The following CTBP2 variants were observed in gnomAD, a reference collection of about 807,000 sequenced individuals.
CTBP2 encodes C-terminal-binding protein 2.
Under a neutral mutation model 80.3 loss-of-function variants are expected in CTBP2, and 30 were observed. The ratio of observed to expected loss-of-function variants is 0.37; its 90% CI spans 0.28 to 0.51. The LOEUF is 0.51. Among genes scored for constraint, CTBP2 ranks in the 20% least tolerant of loss-of-function variants. The pLI is 0.93. For synonymous variants in CTBP2, 594 were observed against 587.4 expected (o/e 1.01, Z -0.16); for missense variants, 1,212 against 1,375.3 (o/e 0.88, Z 1.88).
At chr10:125,098,692 G>GAA (rs1564913926) in intron 2 of CTBP2, among the ~76,000 whole-genome samples, 3 of 118,786 alleles carry the variant, frequency 2.5e-5, no homozygotes, top group Admixed American at 1.7e-4. Context: ...GAGAGAGAGA[G>GAA]AGAGAGAGAG....
At chr10:125,060,128 A>G (rs931644039) in intron 2 of CTBP2, among the ~76,000 whole-genome samples, 1 of 152,166 alleles carries the variant, frequency 6.6e-6, no homozygotes, top group Non-Finnish European at 1.5e-5. Flanking sequence ...CAATATGGAG[A>G]ATGTGAACAT....
intron 1 of CTBP2, among the ~76,000 whole-genome samples, chr10:125,141,193 G>A (rs902388701): frequency 2.0e-5 from 3 of 151,988 alleles, no homozygotes; most frequent in Non-Finnish European, 4.4e-5. Flanking sequence ...GAGGCAATGA[G>A]TCAGTTGCAG....
At chr10:125,110,247 AT>A (rs1001169491) in intron 2 of CTBP2, among the ~76,000 whole-genome samples, 4 of 152,046 alleles carry the variant, frequency 2.6e-5, no homozygotes, top group Non-Finnish European at 5.9e-5. Flanking sequence ...CGGGGAAAAC[AT>A]TTTTTTTTAA....
intron 2 of CTBP2, among the ~76,000 whole-genome samples, chr10:125,103,647 G>C (rs955403161): frequency 6.6e-6 from 1 of 152,146 alleles, no homozygotes; most frequent in Admixed American, 6.5e-5. Context: ...AGACAAAGTG[G>C]CCTCGAGCAG....
At position 124,997,874 on chromosome 10, in the gene CTBP2, G is replaced by C. The variant is rs1190821116; in HGVS notation, c.2185+90C>G. On this transcript the variant is annotated intron_variant, in intron 4 of 8. Transcript: ENST00000309035. The stretch of plus-strand genomic sequence containing the variant: ...CCCTGCCTGCCCTGGCTCCTCAAGA[G>C]CAGGCTGGGGTTGCCTTTCCCGAGG... 3 of 1,387,320 alleles carry C rather than the reference G, an allele frequency of 2.2e-6. No individual in the cohort carries two copies. The Admixed American group carries it at 5.8e-5, about 27-fold the overall frequency. The allele number at this position is 1,387,320 out of a possible 1,614,324, so 85.9% of individuals were successfully genotyped here.
chr10:125,028,627 C>G (rs1470409902), upstream of CTBP2, among the ~76,000 whole-genome samples: 4 of 152,234 alleles, frequency 2.6e-5, no homozygotes. Context: ...TGGGCTCATG[C>G]TGCCGGGGGG....
At chr10:125,068,327 G>T (rs190518410) in intron 2 of CTBP2, among the ~76,000 whole-genome samples, 1 of 152,332 alleles carries the variant, frequency 6.6e-6, no homozygotes, top group African/African-American at 2.4e-5. Context: ...CTACATTAAA[G>T]AATTCAAACT....
At chr10:125,072,639 A>G (rs1377937399) in intron 2 of CTBP2, among the ~76,000 whole-genome samples, 12 of 120,816 alleles carry the variant, frequency 9.9e-5, no homozygotes, top group African/African-American at 1.5e-4. Flanking sequence ...GAAAAGAAAA[A>G]AAAAAAAAAA....
rs1235196081 is a variant in CTBP2 at position 125,009,650 on chromosome 10, T to C, written c.1679-6158A>G. Among the ~76,000 whole-genome samples the C allele has an allele frequency of 2.0e-5, 3 of 152,124 alleles. No individual in the cohort carries two copies. In the East Asian group the frequency reaches 5.8e-4, roughly 29 times the overall value. On this transcript the variant is annotated intron_variant, in intron 1 of 8. Transcript: ENST00000309035. ...AATCAGAACTAAGGCCTGCTAACAG[T>C]GTTATTTCAGAGGCTTGGGTTTCTA... is the stretch of plus-strand genomic sequence containing the variant.
intron 1 of CTBP2, among the ~76,000 whole-genome samples, chr10:125,141,682 G>A (rs988732705): frequency 2.0e-5 from 3 of 151,020 alleles, no homozygotes; most frequent in South Asian, 4.2e-4. Flanking sequence ...GGTACACAGC[G>A]AGCACACAGT....
At chr10:125,151,125 C>G (rs928890001) in intron 1 of CTBP2, among the ~76,000 whole-genome samples, 5 of 152,150 alleles carry the variant, frequency 3.3e-5, no homozygotes, top group Admixed American at 6.5e-5. Flanking sequence ...ACTTGAATAA[C>G]AGGTAGAGCG....
intron 1 of CTBP2, among the ~76,000 whole-genome samples, chr10:125,134,327 G>A (rs1327147300): frequency 2.6e-5 from 4 of 152,158 alleles, no homozygotes; most frequent in Non-Finnish European, 5.9e-5. Flanking sequence ...TCCACCCAGC[G>A]GAAGCCCCCC....
intron 2 of CTBP2, among the ~76,000 whole-genome samples, chr10:125,065,768 A>G (rs955020878): frequency 2.0e-5 from 3 of 152,288 alleles, no homozygotes; most frequent in East Asian, 3.9e-4. Context: ...GTCCTCTTCT[A>G]GCTATTTCAT....
chr10:125,062,913 T>A (rs559876112), intron 2 of CTBP2, among the ~76,000 whole-genome samples: 1 of 152,198 alleles, frequency 6.6e-6, no homozygotes, highest in Admixed American at 6.5e-5. Context: ...AGGAACAACA[T>A]CTGCTGTGCA....
upstream of CTBP2, among the ~76,000 whole-genome samples, chr10:125,030,034 C>G (rs1471696050): frequency 6.6e-6 from 1 of 152,088 alleles, no homozygotes; most frequent in South Asian, 2.1e-4. Context: ...CACCCAAACT[C>G]GCACAGCCTT....
In CTBP2 at chr10:125,010,477, G is replaced by A. The variant is rs12355495; in HGVS notation, c.1679-6985C>T. On this transcript the variant is annotated intron_variant, in intron 1 of 8. Coordinates refer to ENST00000309035, the MANE Select transcript of CTBP2 (RefSeq NM_022802.3). ...TTGAGTTTTAAGTATCACCTGACAC[G>A]CCCAACAGATTCCCTGGCTCATGTG... Among the ~76,000 whole-genome samples the A allele has an allele frequency of 6.5e-3, 982 of 152,200 alleles. 9 individuals carry two copies. The highest frequency in any genetic ancestry group is 7.6e-3 in the Non-Finnish European group (519 of 68,022).
intron 2 of CTBP2, among the ~76,000 whole-genome samples, chr10:125,087,896 C>G (rs531667583): frequency 1.3e-5 from 2 of 152,306 alleles, no homozygotes; most frequent in Non-Finnish European, 1.5e-5. Flanking sequence ...CCCTCTGGAA[C>G]CGGTTGCCTC....
intron 2 of CTBP2, among the ~76,000 whole-genome samples, chr10:125,103,489 C>T (rs933806184): frequency 1.3e-5 from 2 of 152,148 alleles, no homozygotes; most frequent in Non-Finnish European, 2.9e-5. Context: ...TCAGAAGGCT[C>T]AGGGAGTGAG....
intron 1 of CTBP2, among the ~76,000 whole-genome samples, chr10:125,123,378 C>G (rs1342638939): frequency 1.3e-5 from 2 of 152,138 alleles, no homozygotes; most frequent in East Asian, 1.9e-4. Flanking sequence ...GTTGCTGTTA[C>G]CAGAACTCTG....
Sources: gnomAD v4.1 joint callset for allele counts (sites outside exome capture counted in the v4.1 genomes callset) on GRCh38, gnomAD v4.1.1 for gene constraint, MANE v1.5 for transcripts, NCBI Gene and HGNC (gene_info 2026-07-23, HGNC 2026-07-21) for gene names.